CDH13: variants seen among roughly 807,000 people sequenced by gnomAD.
The protein encoded by CDH13 is cadherin 13.
Under a neutral mutation model 63.8 loss-of-function variants are expected in CDH13, and 24 were observed. The ratio of observed to expected loss-of-function variants is 0.38; its 90% confidence interval spans 0.27 to 0.53. The LOEUF is 0.53. Ranked by LOEUF, CDH13 falls within the 20% of genes least tolerant of loss-of-function variation. The probability of loss-of-function intolerance (pLI) is 0.85; values close to 1 mark genes in which losing one functional copy is unlikely to be tolerated. For synonymous variants in CDH13, 503 were observed against 355.3 expected, an observed-to-expected ratio of 1.42 and a Z score of -4.67; for missense variants, 1,049 against 903.1, an observed-to-expected ratio of 1.16 and a Z score of -2.07.
rs541444230 is a variant in CDH13 at position 82,888,405 on chromosome 16, C to A, written c.157+29932C>A. 8.5e-5 allele frequency among the ~76,000 whole-genome samples: 13 copies of A among 152,308 alleles called. No homozygotes were observed. In the South Asian group the frequency reaches 2.1e-3, roughly 24 times the overall value. On this transcript the variant is annotated intron_variant, in intron 2 of 13. Transcript: ENST00000567109. The stretch of plus-strand genomic sequence containing the variant: ...TCTTCTTCTCTGGAGGCTTCAAATT[C>A]CTCCTCTGTCAAATGAAGGGACTGG...
chr16:83,030,302 C>A (rs1487213350), intron 2 of CDH13, among the ~76,000 whole-genome samples: 1 of 152,142 alleles, frequency 6.6e-6, no homozygotes. Context: ...TTCTTTAAAT[C>A]ACTTGCTATA....
chr16:83,134,875 C>A (rs77952322), intron 4 of CDH13, among the ~76,000 whole-genome samples: 2,557 of 152,240 alleles, frequency 0.017, 49 homozygotes, highest in African/African-American at 0.057. Flanking sequence ...CAAATAAAGG[C>A]ATCTGAGCCC....
At chr16:83,782,417 C>T (rs1056582434) in intron 12 of CDH13, among the ~76,000 whole-genome samples, 1 of 150,832 alleles carries the variant, frequency 6.6e-6, no homozygotes, top group Admixed American at 6.6e-5. Flanking sequence ...AAATGTAGAG[C>T]TGTGGACAGA....
chr16:82,800,488 G>A (rs921981727), intron 1 of CDH13, among the ~76,000 whole-genome samples: 5 of 152,106 alleles, frequency 3.3e-5, no homozygotes, highest in Admixed American at 6.5e-5. Context: ...TAGAAGGCCC[G>A]TTAACCTCCC....
chr16:83,174,466 C>G lies in CDH13; in HGVS notation c.484-42879C>G, dbSNP rs142515439. Among the ~76,000 whole-genome samples the G allele has an allele frequency of 3.7e-3, 568 of 152,044 alleles. 5 individuals carry two copies. Among genetic ancestry groups the G allele is most frequent in the Non-Finnish European group, 5.4e-3 (364 of 67,956 alleles). ...AGCAAGACCGAAGCAAATGACCACT[C>G]ATAATTCAGAATATTTCTGAGCCAG... is the stretch of plus-strand genomic sequence containing the variant. On this transcript the variant is annotated intron_variant, in intron 4 of 13. Coordinates refer to ENST00000567109, the MANE Select transcript of CDH13 (RefSeq NM_001257.5).
intron 2 of CDH13, among the ~76,000 whole-genome samples, chr16:82,941,452 C>T (rs907341625): frequency 5.3e-5 from 8 of 152,198 alleles, no homozygotes; most frequent in African/African-American, 1.2e-4. Flanking sequence ...TCAGCTTCTG[C>T]TTATTTCGTT....
At chr16:82,943,803 C>A (rs554402675) in intron 2 of CDH13, among the ~76,000 whole-genome samples, 1 of 152,344 alleles carries the variant, frequency 6.6e-6, no homozygotes, top group Admixed American at 6.5e-5. Context: ...TTGAGGGAAA[C>A]AAGACAAAAT....
At chr16:83,479,109 C>T (rs1028220306) in intron 6 of CDH13, among the ~76,000 whole-genome samples, 2 of 152,158 alleles carry the variant, frequency 1.3e-5, no homozygotes, top group African/African-American at 4.8e-5. Flanking sequence ...CAAGAATGTC[C>T]ACAAGACCAG....
chr16:83,316,212 G>A (rs1049905860), intron 5 of CDH13, among the ~76,000 whole-genome samples: 10 of 152,152 alleles, frequency 6.6e-5, no homozygotes, highest in African/African-American at 2.4e-4. Context: ...CACCTCCCAC[G>A]AGGTCCCTCC....
intron 5 of CDH13, among the ~76,000 whole-genome samples, chr16:83,222,086 A>T (rs984578113): frequency 6.6e-6 from 1 of 152,214 alleles, no homozygotes. Context: ...CTTCATAAAG[A>T]TAACCTTGAT....
At position 83,125,431 on chromosome 16, in the gene CDH13, G is replaced by A; in HGVS notation, c.413G>A (p.Arg138Lys). The A allele has an allele frequency of 1.9e-6, 3 of 1,611,600 alleles. No homozygotes were observed. The highest frequency in any genetic ancestry group is 2.5e-6 in the Non-Finnish European group (3 of 1,177,770). Residue 138 changes from arginine to lysine, a missense_variant, in exon 4 of 14, where the codon AGG (arginine) becomes AAG (lysine). Coordinates refer to ENST00000567109, the MANE Select transcript of CDH13 (RefSeq NM_001257.5). ...ACTTCTCCTGTCCCAAGACAAAAGA[G>A]GTCCATTGTGGTATCTCCCATTTTA... Reference protein sequence around the residue: ...ARTSPVPRQKRSIVVSPILIP... With the variant: ...ARTSPVPRQKKSIVVSPILIP...
intron 2 of CDH13, among the ~76,000 whole-genome samples, chr16:82,932,875 A>C (rs1180709681): frequency 6.6e-6 from 1 of 152,228 alleles, no homozygotes; most frequent in African/African-American, 2.4e-5. Context: ...GAACTTTACT[A>C]GTAGAGAAGT....
At chr16:82,734,756 C>G (rs1211234947) in intron 1 of CDH13, among the ~76,000 whole-genome samples, 1 of 152,168 alleles carries the variant, frequency 6.6e-6, no homozygotes. Flanking sequence ...GACAGACAGG[C>G]CTTTATACTC....
chr16:82,990,108 C>A (rs1017534235), intron 2 of CDH13: 5 of 152,150 alleles, frequency 3.3e-5, no homozygotes, highest in African/African-American at 1.2e-4. Context: ...CCTCTCCCTT[C>A]CCCTTGAAAC....
intron 2 of CDH13, among the ~76,000 whole-genome samples, chr16:82,959,588 C>G (rs1400944838): frequency 6.6e-6 from 1 of 152,176 alleles, no homozygotes; most frequent in Non-Finnish European, 1.5e-5. Context: ...CCTTTGCACT[C>G]TTTTCGACCT....
At chr16:83,281,878 A>G (rs1244946738) in intron 5 of CDH13, among the ~76,000 whole-genome samples, 1 of 152,156 alleles carries the variant, frequency 6.6e-6, no homozygotes, top group Non-Finnish European at 1.5e-5. Flanking sequence ...GCACCACTGC[A>G]TTCTAACCTC....
In CDH13 at chr16:83,425,568, T is replaced by C. The variant is rs549937840; in HGVS notation, c.782-60909T>C. Among the ~76,000 whole-genome samples the C allele has an allele frequency of 2.0e-5, 3 of 152,358 alleles. No homozygotes were observed. The East Asian group carries it at 5.8e-4, about 29-fold the overall frequency. On this transcript the variant is annotated intron_variant, in intron 6 of 13. Coordinates refer to ENST00000567109, the MANE Select transcript of CDH13 (RefSeq NM_001257.5). The stretch of plus-strand genomic sequence containing the variant: ...ATTAACTCCCTCAAAAATATCCTTC[T>C]GCTAATTCCTCTCCCTTCCCCTCTC...
chr16:82,899,089 T>G lies in CDH13; in HGVS notation c.157+40616T>G, dbSNP rs1246261149. Among the ~76,000 whole-genome samples the G allele has an allele frequency of 3.3e-5, 5 of 152,278 alleles. No homozygotes were observed. In the South Asian group the frequency reaches 8.3e-4, roughly 25 times the overall value. ...GGACCATCTGAAGGGTCCATCACAG[T>G]GTCCACTTCAGTTGTCTAGAGAAAT... On this transcript the variant is annotated intron_variant, in intron 2 of 13. Transcript: ENST00000567109.
intron 1 of CDH13, among the ~76,000 whole-genome samples, chr16:82,713,535 G>C (rs1018862098): frequency 1.3e-5 from 2 of 152,110 alleles, no homozygotes; most frequent in Admixed American, 1.3e-4. Context: ...CCGGGAGTCA[G>C]AATGGCAGGG....
Sources: allele counts gnomAD v4.1 joint callset (sites outside exome capture counted in the v4.1 genomes callset), GRCh38; gene constraint gnomAD v4.1.1; transcripts MANE v1.5; gene names NCBI Gene and HGNC (gene_info 2026-07-23, HGNC 2026-07-21).